Variants in TESPA1 observed in about 807,000 individuals in gnomAD.
The protein encoded by TESPA1 is thymocyte expressed, positive selection associated 1, also known as protein TESPA1.
Under a neutral mutation model 57.9 loss-of-function variants are expected in TESPA1, and 33 were observed. The ratio of observed to expected loss-of-function variants is 0.57; its 90% CI spans 0.43 to 0.76. TESPA1 has a LOEUF of 0.76. Among genes scored for constraint, TESPA1 ranks in the 30% least tolerant of loss-of-function variants. The probability of loss-of-function intolerance (pLI) is 0.00; values close to 1 mark genes in which losing one functional copy is unlikely to be tolerated. For synonymous variants in TESPA1, 227 were observed against 228.9 expected, an observed-to-expected ratio of 0.99 and a Z score of 0.07; for missense variants, 618 against 632.9, an observed-to-expected ratio of 0.98 and a Z score of 0.25.
At chr12:54,967,769 A>C in intron 4 of TESPA1, 74 bp downstream of exon 4, 1 of 1,554,026 alleles carries the variant, frequency 6.4e-7, no homozygotes. Flanking sequence ...GTGCATAAAC[A>C]CTCACATACA....
chr12:54,963,373 C>T, intron 8 of TESPA1, 131 bp from the exon 9 acceptor site: 1 of 927,248 alleles, frequency 1.1e-6, no homozygotes, highest in African/African-American at 1.7e-5. Flanking sequence ...GTGTTTCTCC[C>T]TTTTAGATTT....
intron 3 of TESPA1, among the ~76,000 whole-genome samples, chr12:54,968,442 A>T (rs1052099856): frequency 4.6e-5 from 7 of 152,328 alleles, no homozygotes; most frequent in Middle Eastern, 3.4e-3. Flanking sequence ...CTTATCAAAC[A>T]TTTACCATCT....
chr12:54,982,473 G>A (rs979157913), intron 1 of TESPA1, among the ~76,000 whole-genome samples: 1 of 152,148 alleles, frequency 6.6e-6, no homozygotes, highest in Non-Finnish European at 1.5e-5. Flanking sequence ...GACCATCTAA[G>A]ACCTTTTTCC....
intron 10 of TESPA1, among the ~76,000 whole-genome samples, chr12:54,954,837 G>A (rs1024949549): frequency 6.6e-6 from 1 of 152,140 alleles, no homozygotes; most frequent in South Asian, 2.1e-4. Flanking sequence ...TTCATCCACT[G>A]ATGGACATTA....
At chr12:54,971,059 G>T (rs148131342) in intron 3 of TESPA1, among the ~76,000 whole-genome samples, 1 of 152,220 alleles carries the variant, frequency 6.6e-6, no homozygotes, top group Non-Finnish European at 1.5e-5. Flanking sequence ...ATAGTCGGCC[G>T]CTAGATTCAA....
At chr12:54,957,654 C>T (rs1950815323) in intron 10 of TESPA1, among the ~76,000 whole-genome samples, 2 of 152,114 alleles carry the variant, frequency 1.3e-5, no homozygotes, top group Admixed American at 1.3e-4. Flanking sequence ...TACTGTGACC[C>T]CTTCCTCAGC....
intron 10 of TESPA1, among the ~76,000 whole-genome samples, chr12:54,951,721 T>C (rs1023653917): frequency 3.9e-5 from 6 of 152,334 alleles, no homozygotes; most frequent in Middle Eastern, 3.4e-3. Context: ...TAAATGTTAC[T>C]GAAGACTACA....
Position 54,963,745 on chromosome 12 carries a change from C to T in TESPA1, c.652G>A (p.Ala218Thr). 2 of 1,611,252 alleles carry T rather than the reference C, an allele frequency of 1.2e-6. No individual in the cohort carries two copies. The highest frequency in any genetic ancestry group is 2.2e-5 in the South Asian group (2 of 90,822). ...IEMEDPCLML[A>T]SRFKQVQTLA... The stretch of plus-strand genomic sequence containing the variant: ...GGTGCCTGGGAGGGACACTCACTGG[C>T]CAGCATGAGGCAGGGGTCTTCCATT... The change falls in exon 8 of 11, where the codon GCC (alanine) becomes ACC (threonine). Residue 218 changes from alanine (A) to threonine (T), a missense_variant. By Grantham distance (58) the Ala-to-Thr change is moderately conservative (BLOSUM62 0). Coordinates refer to ENST00000449076, the MANE Select transcript of TESPA1 (RefSeq NM_001136030.3).
intron 10 of TESPA1, among the ~76,000 whole-genome samples, chr12:54,956,445 T>A (rs537744262): frequency 1.6e-4 from 25 of 152,078 alleles, no homozygotes; most frequent in Non-Finnish European, 3.1e-4. Context: ...CGCTTATAAG[T>A]GTGATAAAGG....
At chr12:54,974,804 G>A (rs11171203) in intron 1 of TESPA1, among the ~76,000 whole-genome samples, 197 bp from the exon 2 acceptor site, 12,358 of 152,124 alleles carry the variant, frequency 0.081, 1,151 homozygotes, top group East Asian at 0.24. Flanking sequence ...TCTAAATACC[G>A]GGATAAGTCT....
chr12:54,956,374 A>C lies in TESPA1; in HGVS notation c.*1+4794T>G, dbSNP rs182235349. Among the ~76,000 whole-genome samples the C allele has an allele frequency of 4.4e-3, 668 of 152,318 alleles. 9 individuals carry two copies. Among genetic ancestry groups the C allele is most frequent in the African/African-American group, 0.015 (635 of 41,584 alleles). On this transcript the variant is annotated intron_variant, in intron 10 of 10. Transcript: ENST00000449076. ...AATAAATATTGACCTGTGCTACCTCAGATCTGGTAAAAGAAACAAAAAGAA... is the reference window on the plus strand; with the variant it reads ...AATAAATATTGACCTGTGCTACCTCCGATCTGGTAAAAGAAACAAAAAGAA...
At chr12:54,952,832 T>C in intron 10 of TESPA1, among the ~76,000 whole-genome samples, 1 of 138,064 alleles carries the variant, frequency 7.2e-6, no homozygotes, top group East Asian at 6.8e-4. Flanking sequence ...TTCCAAATTG[T>C]TATTCCTATT....
rs375940327 is a variant in TESPA1, at chr12:54,963,013, G to A, written c.885C>T (p.Cys295=). 4.7e-5 allele frequency: 76 copies of A among 1,613,770 alleles called. No homozygotes were observed. The highest frequency in any genetic ancestry group is 5.1e-5 in the Non-Finnish European group (60 of 1,179,878). ...GGGGTGGTGGTGGCCGGTCTCGGGG[G>A]CATGTGTACAGACACATCTTGGAGA... ...KAISKMCLYT[C]PRDRPPPPHN... is the part of the protein sequence containing the mutation. Residue 295 remains cysteine (C), a synonymous_variant, in exon 9 of 11, where the codon TGC becomes TGT. Transcript: ENST00000449076.
chr12:54,973,893 T>A, intron 2 of TESPA1: 1 of 1,061,382 alleles, frequency 9.4e-7, no homozygotes, highest in Non-Finnish European at 1.1e-6. Context: ...TTTATTTCCA[T>A]CAGAATTTTT....
intron 10 of TESPA1, among the ~76,000 whole-genome samples, chr12:54,956,165 A>G (rs1950722261): frequency 1.3e-5 from 2 of 152,338 alleles, no homozygotes; most frequent in South Asian, 4.1e-4. Context: ...GGTTCCACCA[A>G]GTACAAACAG....
At chr12:54,971,197 A>G (rs764886157) in intron 3 of TESPA1, among the ~76,000 whole-genome samples, 13 of 152,240 alleles carry the variant, frequency 8.5e-5, no homozygotes, top group Non-Finnish European at 1.6e-4. Context: ...TGGAAACTAT[A>G]TGGTCTTGGA....
chr12:54,973,012 A>G (rs1280611402), intron 3 of TESPA1, among the ~76,000 whole-genome samples: 1 of 152,210 alleles, frequency 6.6e-6, no homozygotes, highest in Admixed American at 6.5e-5. Flanking sequence ...GCCTGCTCCA[A>G]TTCTCCCCTG....
chr12:54,973,937 C>T (rs1952006233), intron 2 of TESPA1: 2 of 1,017,994 alleles, frequency 2.0e-6, no homozygotes, highest in Non-Finnish European at 1.2e-6. Flanking sequence ...TCATCTGAAC[C>T]TCAAAGAAGC....
chr12:54,966,239 C>A, intron 6 of TESPA1, 88 bp from the exon 7 acceptor site: 1 of 1,561,962 alleles, frequency 6.4e-7, no homozygotes, highest in South Asian at 1.1e-5. Flanking sequence ...TATTCACCCC[C>A]TGAACAGTAG....
Sources: gnomAD v4.1 joint callset for allele counts (sites outside exome capture counted in the v4.1 genomes callset) on GRCh38, gnomAD v4.1.1 for gene constraint, MANE v1.5 for transcripts, NCBI Gene and HGNC (gene_info 2026-07-23, HGNC 2026-07-21) for gene names.